GULP1: variants seen among roughly 807,000 people sequenced by gnomAD.
GULP1 encodes GULP PTB domain containing engulfment adaptor 1, also known as PTB domain-containing engulfment adapter protein 1.
A neutral mutation model predicts 40.9 loss-of-function variants in GULP1; 19 were observed. The ratio of observed to expected loss-of-function variants is 0.46; its 90% confidence interval spans 0.32 to 0.68. The LOEUF (loss-of-function observed/expected upper bound fraction) is 0.68. Ranked by LOEUF, GULP1 falls within the 30% of genes least tolerant of loss-of-function variation. The probability of loss-of-function intolerance (pLI) is 0.03; values close to 1 mark genes in which losing one functional copy is unlikely to be tolerated. For synonymous variants in GULP1, 119 were observed against 117.6 expected, an observed-to-expected ratio of 1.01 and a Z score of -0.08; for missense variants, 312 against 362.2, an observed-to-expected ratio of 0.86 and a Z score of 1.12.
intron 7 of GULP1, among the ~76,000 whole-genome samples, chr2:188,562,582 A>G (rs1331950733): frequency 3.3e-5 from 5 of 152,196 alleles, no homozygotes; most frequent in Admixed American, 3.3e-4. Flanking sequence ...CAAATCTACA[A>G]TTATAGTTGT....
chr2:188,574,909 A>G (rs1699865137), intron 9 of GULP1, among the ~76,000 whole-genome samples: 1 of 152,206 alleles, frequency 6.6e-6, no homozygotes, highest in African/African-American at 2.4e-5. Context: ...TATTTTAAAG[A>G]GTCTCTGTTT....
chr2:188,331,708 TAGG>T lies in GULP1; in HGVS notation c.-172+39547_-172+39549del, dbSNP rs1466325370. Among the ~76,000 whole-genome samples, 13 of 152,344 alleles carry T rather than the reference TAGG, an allele frequency of 8.5e-5. No homozygotes were observed. In the East Asian group the frequency reaches 1.9e-3, roughly 23 times the overall value. On this transcript the variant is annotated intron_variant, in intron 1 of 11. Transcript: ENST00000409830. Reference sequence around the variant, plus strand: ...CATTTATGTATTTAAAAAATCCATTTAGGAGGATATCCTCAAAATGTTATCAAT... The same window carrying T: ...CATTTATGTATTTAAAAAATCCATTTAGGATATCCTCAAAATGTTATCAAT...
At chr2:188,489,594 C>G (rs2062172248) in intron 4 of GULP1, among the ~76,000 whole-genome samples, 1 of 151,788 alleles carries the variant, frequency 6.6e-6, no homozygotes, top group South Asian at 2.1e-4. Context: ...TGAAGCTTAA[C>G]CATCATTTTT....
At position 188,321,920 on chromosome 2, in the gene GULP1, CA is replaced by C. The variant is rs1346691898; in HGVS notation, c.-172+29755del. On this transcript the variant is annotated intron_variant, in intron 1 of 11. Transcript: ENST00000409830. ...ATCCCAGCTACTTGGGAGGCTGAGG[CA>C]TGAGAATCTCTTGAACCTAGGAGGC... 3.3e-5 allele frequency among the ~76,000 whole-genome samples: 5 copies of C among 152,184 alleles called. No individual in the cohort carries two copies. In the East Asian group the frequency reaches 9.7e-4, roughly 30 times the overall value.
At chr2:188,385,275 G>T (rs1437631959) in intron 2 of GULP1, among the ~76,000 whole-genome samples, 1 of 152,166 alleles carries the variant, frequency 6.6e-6, no homozygotes, top group Non-Finnish European at 1.5e-5. Flanking sequence ...TCAATACCAT[G>T]TGGAAGCTGC....
chr2:188,478,936 G>A (rs575553878), intron 3 of GULP1, among the ~76,000 whole-genome samples: 2 of 152,220 alleles, frequency 1.3e-5, no homozygotes, highest in African/African-American at 4.8e-5. Context: ...AGACTGAGAT[G>A]ACTTCAGGAC....
At chr2:188,368,637 G>A (rs529699239) in intron 1 of GULP1, among the ~76,000 whole-genome samples, 251 of 151,580 alleles carry the variant, frequency 1.7e-3, no homozygotes, top group Non-Finnish European at 2.2e-3. Flanking sequence ...TTAAAAAAAT[G>A]TTTTCAGTAT....
Position 188,382,288 on chromosome 2 carries a change from A to G in GULP1, c.-171-1475A>G, listed in dbSNP as rs1360502970. Among the ~76,000 whole-genome samples the G allele has an allele frequency of 2.6e-5, 4 of 152,244 alleles. No homozygotes were observed. In the South Asian group the frequency reaches 6.2e-4, roughly 24 times the overall value. ...ATGACTAATGAGGATTGGTGTATAAATATGCTAGCTCTCATTCTTACAGTG... is the reference window on the plus strand; with the variant it reads ...ATGACTAATGAGGATTGGTGTATAAGTATGCTAGCTCTCATTCTTACAGTG... On this transcript the variant is annotated intron_variant, in intron 1 of 11. Transcript: ENST00000409830.
intron 1 of GULP1, among the ~76,000 whole-genome samples, chr2:188,307,619 A>G (rs1304216811): frequency 6.6e-6 from 1 of 152,206 alleles, no homozygotes; most frequent in Non-Finnish European, 1.5e-5. Context: ...AAACACATTT[A>G]AGAATACTGG....
At chr2:188,429,068 A>G (rs1395312268) in intron 2 of GULP1, among the ~76,000 whole-genome samples, 1 of 152,144 alleles carries the variant, frequency 6.6e-6, no homozygotes, top group Non-Finnish European at 1.5e-5. Flanking sequence ...ACATGACTAA[A>G]TGAGTATTTA....
intron 7 of GULP1, among the ~76,000 whole-genome samples, chr2:188,548,023 A>G (rs1298550784): frequency 6.6e-6 from 1 of 152,082 alleles, no homozygotes; most frequent in East Asian, 1.9e-4. Flanking sequence ...CAGATATTTT[A>G]CTTTATGGTA....
At position 188,595,271 on chromosome 2, in the gene GULP1, GATAA is replaced by G. The variant is rs1325752231; in HGVS notation, c.*1267_*1270del. ...TCTAACTTGGTTCATCACATTATAA[GATAA>G]ATAAATTAAATTAATGAAAATGTGA... On this transcript the variant is annotated 3_prime_UTR_variant, in exon 12 of 12. Transcript: ENST00000409830. 1 of 151,550 alleles carries G rather than the reference GATAA, an allele frequency of 6.6e-6. No individual in the cohort carries two copies. The highest frequency in any genetic ancestry group is 1.5e-5 in the Non-Finnish European group (1 of 67,686). 9.4% of individuals were successfully genotyped at this position (151,550 alleles called of 1,614,324 possible).
chr2:188,427,817 C>G (rs1043140990), intron 2 of GULP1, among the ~76,000 whole-genome samples: 3 of 152,244 alleles, frequency 2.0e-5, no homozygotes, highest in Admixed American at 2.0e-4. Flanking sequence ...ACAGAATCCC[C>G]ATTGGGGCAC....
intron 4 of GULP1, among the ~76,000 whole-genome samples, chr2:188,485,092 T>A (rs1045453097): frequency 1.3e-5 from 2 of 152,166 alleles, no homozygotes; most frequent in African/African-American, 4.8e-5. Context: ...GCATGCTCAA[T>A]TTTTTATATT....
At chr2:188,546,638 C>T (rs1692039318) in intron 7 of GULP1, among the ~76,000 whole-genome samples, 1 of 151,886 alleles carries the variant, frequency 6.6e-6, no homozygotes, top group South Asian at 2.1e-4. Context: ...AATCTATGTT[C>T]CCATCTCAAA....
chr2:188,537,108 G>T (rs1388484839), intron 6 of GULP1, among the ~76,000 whole-genome samples: 1 of 151,664 alleles, frequency 6.6e-6, no homozygotes, highest in East Asian at 1.9e-4. Flanking sequence ...GATCTTCTAG[G>T]TAGATAATCA....
At chr2:188,430,129 A>T (rs1282281228) in intron 2 of GULP1, among the ~76,000 whole-genome samples, 1 of 152,224 alleles carries the variant, frequency 6.6e-6, no homozygotes, top group Non-Finnish European at 1.5e-5. Context: ...TTTGTCAAAG[A>T]TGTTAAAAGC....
chr2:188,324,227 G>C (rs1394882733), intron 1 of GULP1, among the ~76,000 whole-genome samples: 1 of 152,018 alleles, frequency 6.6e-6, no homozygotes, highest in African/African-American at 2.4e-5. Flanking sequence ...TGATTACTCT[G>C]ACCACTCTTC....
chr2:188,430,964 T>C (rs2056806125), intron 2 of GULP1, among the ~76,000 whole-genome samples: 2 of 152,180 alleles, frequency 1.3e-5, no homozygotes, highest in African/African-American at 4.8e-5. Context: ...CATTAAAGTA[T>C]ACCCTTTTTA....
Sources: gnomAD v4.1 joint callset for allele counts (sites outside exome capture counted in the v4.1 genomes callset) on GRCh38, gnomAD v4.1.1 for gene constraint, MANE v1.5 for transcripts, NCBI Gene and HGNC (gene_info 2026-07-23, HGNC 2026-07-21) for gene names.